Variants in GABRB1 observed in about 807,000 individuals in gnomAD.
GABRB1 encodes gamma-aminobutyric acid type A receptor subunit beta1.
GABRB1 carries 17 observed loss-of-function variants against 51.6 expected under a neutral mutation model. The observed-to-expected ratio is 0.33, with a 90% confidence interval of 0.23 to 0.49. The LOEUF (loss-of-function observed/expected upper bound fraction) is 0.49, where lower values mean the gene tolerates loss of function less well. GABRB1 is among the 20% of genes least tolerant of loss of function. The probability of loss-of-function intolerance (pLI) is 0.99; values close to 1 mark genes in which losing one functional copy is unlikely to be tolerated. For synonymous variants in GABRB1, 247 were observed against 218.9 expected, an observed-to-expected ratio of 1.13 and a Z score of -1.14; for missense variants, 410 against 600.6, an observed-to-expected ratio of 0.68 and a Z score of 3.32.
At chr4:47,156,109 C>T (rs574082280) in intron 3 of GABRB1, among the ~76,000 whole-genome samples, 18 of 151,596 alleles carry the variant, frequency 1.2e-4, no homozygotes, top group East Asian at 3.9e-4. Flanking sequence ...TGCTAGATCA[C>T]GTGATAGTTC....
chr4:47,206,125 A>G (rs1323324369), intron 4 of GABRB1, among the ~76,000 whole-genome samples: 1 of 152,042 alleles, frequency 6.6e-6, no homozygotes, highest in Non-Finnish European at 1.5e-5. Context: ...TCCATTTTCC[A>G]TGATGGGACT....
At chr4:47,251,134 G>T (rs1721971824) in intron 4 of GABRB1, among the ~76,000 whole-genome samples, 1 of 152,148 alleles carries the variant, frequency 6.6e-6, no homozygotes, top group South Asian at 2.1e-4. Context: ...TTGTCCCATA[G>T]GGTGTTCCCT....
intron 1 of GABRB1, among the ~76,000 whole-genome samples, chr4:47,010,445 A>G (rs767536993): frequency 9.8e-5 from 15 of 152,342 alleles, no homozygotes; most frequent in Non-Finnish European, 1.5e-4. Flanking sequence ...AGTTAATGGT[A>G]GTTAGGTCTC....
At chr4:47,195,429 TA>T (rs757143103) in intron 4 of GABRB1, among the ~76,000 whole-genome samples, 19 of 121,976 alleles carry the variant, frequency 1.6e-4, no homozygotes, top group East Asian at 1.1e-3. Context: ...GATAGATAGA[TA>T]GATAGATAGA....
At chr4:47,112,763 A>T (rs943143751) in intron 3 of GABRB1, among the ~76,000 whole-genome samples, 3 of 152,074 alleles carry the variant, frequency 2.0e-5, no homozygotes, top group Non-Finnish European at 4.4e-5. Context: ...TAAAAAAAAA[A>T]AATCCTGCCT....
At chr4:47,191,087 T>C (rs914939139) in intron 4 of GABRB1, among the ~76,000 whole-genome samples, 15 of 152,154 alleles carry the variant, frequency 9.9e-5, no homozygotes, top group Non-Finnish European at 2.2e-4. Context: ...GGAAAGAATA[T>C]ACCTACACAG....
intron 3 of GABRB1, among the ~76,000 whole-genome samples, chr4:47,151,723 C>A (rs1422836965): frequency 6.6e-6 from 1 of 152,018 alleles, no homozygotes; most frequent in Non-Finnish European, 1.5e-5. Context: ...TACAGAAAAT[C>A]TATTGTGTCA....
In GABRB1 at chr4:47,155,113, G is replaced by A. The variant is rs529676738; in HGVS notation, c.241-6136G>A. Among the ~76,000 whole-genome samples the A allele has an allele frequency of 1.8e-4, 27 of 152,232 alleles. No homozygotes were observed. In the South Asian group the frequency reaches 5.2e-3, roughly 29 times the overall value. On this transcript the variant is annotated intron_variant, in intron 3 of 8. Coordinates refer to ENST00000295454, the MANE Select transcript of GABRB1 (RefSeq NM_000812.4). ...GTATCTACTCCTATTCCAAAGATGG[G>A]AGGAGAGCGGCCTCATGTGAGATAG...
At chr4:47,368,976 C>G (rs957549171) in intron 5 of GABRB1, among the ~76,000 whole-genome samples, 4 of 151,998 alleles carry the variant, frequency 2.6e-5, no homozygotes, top group African/African-American at 9.7e-5. Flanking sequence ...AGCATGGTGG[C>G]AGGCATCTGT....
chr4:46,999,014 T>C (rs1002588031), intron 1 of GABRB1, among the ~76,000 whole-genome samples: 1 of 152,076 alleles, frequency 6.6e-6, no homozygotes, highest in African/African-American at 2.4e-5. Flanking sequence ...ATTATGTTAG[T>C]GTATATGTAT....
chr4:47,363,130 A>T (rs925013160), intron 5 of GABRB1, among the ~76,000 whole-genome samples: 1 of 152,124 alleles, frequency 6.6e-6, no homozygotes, highest in Non-Finnish European at 1.5e-5. Flanking sequence ...ATTAGTTTAC[A>T]TTTATTGAGA....
At chr4:47,047,927 C>T (rs544428914) in intron 3 of GABRB1, among the ~76,000 whole-genome samples, 4 of 152,138 alleles carry the variant, frequency 2.6e-5, no homozygotes, top group African/African-American at 9.6e-5. Flanking sequence ...TGAGAAGATG[C>T]TGGAAGGAAC....
chr4:47,198,057 G>A (rs1476064372), intron 4 of GABRB1, among the ~76,000 whole-genome samples: 1 of 152,250 alleles, frequency 6.6e-6, no homozygotes, highest in Non-Finnish European at 1.5e-5. Context: ...ATTGCCTTGG[G>A]GTCAGGTATA....
intron 5 of GABRB1, among the ~76,000 whole-genome samples, chr4:47,392,334 C>A (rs896998759): frequency 6.7e-6 from 1 of 148,378 alleles, no homozygotes; most frequent in African/African-American, 2.5e-5. Context: ...TTTCTCCCTT[C>A]CACCTTTTTT....
chr4:47,074,599 A>G (rs559715560), intron 3 of GABRB1, among the ~76,000 whole-genome samples: 2 of 152,330 alleles, frequency 1.3e-5, no homozygotes, highest in East Asian at 3.9e-4. Flanking sequence ...GATGTGCTCA[A>G]TGATCATTAG....
chr4:47,201,795 C>A (rs1180023937), intron 4 of GABRB1, among the ~76,000 whole-genome samples: 2 of 152,078 alleles, frequency 1.3e-5, no homozygotes, highest in Non-Finnish European at 2.9e-5. Flanking sequence ...AAATGTCAAC[C>A]AAAATAGCAC....
chr4:47,056,762 G>A (rs1726624853), intron 3 of GABRB1, among the ~76,000 whole-genome samples: 1 of 152,160 alleles, frequency 6.6e-6, no homozygotes. Context: ...ACAGGGAAAG[G>A]AGAAATGAGC....
chr4:47,350,185 A>T (rs1313236928), intron 5 of GABRB1, among the ~76,000 whole-genome samples: 2 of 48,780 alleles, frequency 4.1e-5, no homozygotes, highest in Non-Finnish European at 8.7e-5. Flanking sequence ...GGCTCAGATT[A>T]TATATATATA....
At chr4:47,359,835 G>C (rs1044704201) in intron 5 of GABRB1, among the ~76,000 whole-genome samples, 6 of 152,026 alleles carry the variant, frequency 3.9e-5, no homozygotes, top group Admixed American at 3.9e-4. Context: ...GTAATTTGTG[G>C]TCAAAAGACT....
Sources: allele counts gnomAD v4.1 joint callset (sites outside exome capture counted in the v4.1 genomes callset), GRCh38; gene constraint gnomAD v4.1.1; transcripts MANE v1.5; gene names NCBI Gene and HGNC (gene_info 2026-07-23, HGNC 2026-07-21).